YTHDF3: variants seen among roughly 807,000 people sequenced by gnomAD.
The protein encoded by YTHDF3 is YTH domain-containing family protein 3.
YTHDF3 carries 9 observed loss-of-function variants against 52.5 expected under a neutral mutation model. That is an observed-to-expected ratio of 0.17 (90% confidence interval 0.10 to 0.30). The LOEUF (loss-of-function observed/expected upper bound fraction) is 0.30, where lower values mean the gene tolerates loss of function less well. YTHDF3 is among the 10% of genes least tolerant of loss of function. The pLI, the probability that YTHDF3 is intolerant of heterozygous loss-of-function variation, is 1.00. For missense variants in YTHDF3, 534 were observed against 715.0 expected (o/e 0.75, Z 2.89); for synonymous variants, 274 against 243.3 (o/e 1.13, Z -1.18).
intron 4 of YTHDF3, among the ~76,000 whole-genome samples, chr8:63,195,633 T>G (rs1809181211): frequency 1.3e-5 from 2 of 151,854 alleles, no homozygotes; most frequent in African/African-American, 4.8e-5. Flanking sequence ...GAGGAATGAT[T>G]AACAAAAACA....
At chr8:63,202,465 T>C (rs1809701481) in intron 4 of YTHDF3, among the ~76,000 whole-genome samples, 1 of 148,292 alleles carries the variant, frequency 6.7e-6, no homozygotes. Context: ...TTCTACTCTT[T>C]TTTTTTTTTT....
At position 63,210,703 on chromosome 8, in the gene YTHDF3, T is replaced by C. The variant is rs1315305869; in HGVS notation, c.*997T>C. 6.6e-6 allele frequency: 1 copy of C among 152,624 alleles called. No individual in the cohort carries two copies. Among genetic ancestry groups the C allele is most frequent in the Non-Finnish European group, 1.5e-5 (1 of 68,004 alleles). The allele number at this position is 152,624 out of a possible 1,614,324, so 9.5% of individuals were successfully genotyped here. Reference sequence around the variant, plus strand: ...GTGTCCTGGCATCCTTAAAATACTTTGAAAATATGGCCTTGATCCATGGAT... The same window carrying C: ...GTGTCCTGGCATCCTTAAAATACTTCGAAAATATGGCCTTGATCCATGGAT... On this transcript the variant is annotated 3_prime_UTR_variant, in exon 5 of 5. Coordinates refer to ENST00000539294, the MANE Select transcript of YTHDF3 (RefSeq NM_152758.6).
chr8:63,190,053 T>C (rs2150378782), intron 4 of YTHDF3, among the ~76,000 whole-genome samples: 1 of 152,252 alleles, frequency 6.6e-6, no homozygotes, highest in South Asian at 2.1e-4. Flanking sequence ...ATTTGAGGTA[T>C]GAAAGGTGGG....
intron 4 of YTHDF3, among the ~76,000 whole-genome samples, chr8:63,203,151 G>A (rs1218341962): frequency 1.3e-5 from 2 of 151,582 alleles, no homozygotes; most frequent in East Asian, 3.9e-4. Context: ...CTTGAGGCAC[G>A]AGAATCGCTT....
intron 4 of YTHDF3, among the ~76,000 whole-genome samples, chr8:63,190,359 G>A (rs1410339394): frequency 1.3e-5 from 2 of 151,154 alleles, no homozygotes; most frequent in Non-Finnish European, 1.5e-5. Context: ...TAATGTATTT[G>A]GTATGTTAAT....
chr8:63,203,565 A>G (rs1319046930), intron 4 of YTHDF3, among the ~76,000 whole-genome samples: 1 of 152,218 alleles, frequency 6.6e-6, no homozygotes, highest in East Asian at 1.9e-4. Context: ...TAATATTAAC[A>G]CATAATCATA....
At chr8:63,193,348 C>A (rs893344134) in intron 4 of YTHDF3, among the ~76,000 whole-genome samples, 7 of 144,900 alleles carry the variant, frequency 4.8e-5, no homozygotes, top group Non-Finnish European at 7.5e-5. Context: ...TCCACTCCAG[C>A]CTGGGTGACA....
At chr8:63,187,937 C>T (rs529341166) in intron 4 of YTHDF3, among the ~76,000 whole-genome samples, 192 bp downstream of exon 4, 3 of 152,280 alleles carry the variant, frequency 2.0e-5, no homozygotes, top group South Asian at 2.1e-4. Flanking sequence ...GGGTAACTCA[C>T]GCTGAGTTAG....
At chr8:63,173,848 A>G (rs1453655372) in intron 2 of YTHDF3, among the ~76,000 whole-genome samples, 2 of 152,182 alleles carry the variant, frequency 1.3e-5, no homozygotes, top group Non-Finnish European at 2.9e-5. Flanking sequence ...TATCAGACAT[A>G]GTTAAATTAT....
chr8:63,195,692 G>C (rs78448707), intron 4 of YTHDF3, among the ~76,000 whole-genome samples: 5,038 of 151,916 alleles, frequency 0.033, 285 homozygotes, highest in African/African-American at 0.12. Flanking sequence ...CCCAGGAGTT[G>C]AAGACTACCC....
rs1810420085 is a variant in YTHDF3, at chr8:63,212,549, CTT to C, written c.*2846_*2847del. 6.6e-6 allele frequency: 1 copy of C among 152,482 alleles called. No individual in the cohort carries two copies. 9.4% of individuals were successfully genotyped at this position (152,482 alleles called of 1,614,324 possible). ...TGTGTTTTCATTAAGTTTTGCATAT[CTT>C]TTGTTATGCCATGTAAATTCCCTTT... On this transcript the variant is annotated 3_prime_UTR_variant, in exon 5 of 5. Coordinates refer to ENST00000539294, the MANE Select transcript of YTHDF3 (RefSeq NM_152758.6).
chr8:63,206,032 TTTATTTAGTTG>T (rs1460471495), intron 4 of YTHDF3, among the ~76,000 whole-genome samples: 6 of 152,188 alleles, frequency 3.9e-5, no homozygotes, highest in Non-Finnish European at 8.8e-5. Context: ...ATTTGACATC[TTTATTTAGTTG>T]TCTCATAAGC....
At chr8:63,195,362 G>T (rs1809166928) in intron 4 of YTHDF3, among the ~76,000 whole-genome samples, 1 of 152,204 alleles carries the variant, frequency 6.6e-6, no homozygotes, top group Non-Finnish European at 1.5e-5. Flanking sequence ...AAGGATTCCT[G>T]TGTAAAAAGA....
chr8:63,200,676 T>C (rs1809568318), intron 4 of YTHDF3, among the ~76,000 whole-genome samples: 1 of 152,180 alleles, frequency 6.6e-6, no homozygotes, highest in South Asian at 2.1e-4. Context: ...TCTGGCAGTG[T>C]TTGTTATGAT....
chr8:63,180,426 A>C (rs1383666210), intron 3 of YTHDF3, among the ~76,000 whole-genome samples: 20 of 139,100 alleles, frequency 1.4e-4, no homozygotes, highest in Admixed American at 5.7e-4. Flanking sequence ...GGCGGCCGGG[A>C]AGAGGCGCTC....
chr8:63,208,955 C>T (rs533037780), intron 4 of YTHDF3, among the ~76,000 whole-genome samples: 69 of 152,284 alleles, frequency 4.5e-4, no homozygotes, highest in African/African-American at 1.4e-3. Flanking sequence ...GCAACCTCCA[C>T]CTCCTGGGTT....
chr8:63,182,676 G>A (rs112489875), intron 3 of YTHDF3, among the ~76,000 whole-genome samples: 3 of 152,070 alleles, frequency 2.0e-5, no homozygotes, highest in African/African-American at 7.2e-5. Context: ...AAAGACTACT[G>A]AATCTGGATT....
At chr8:63,170,363 G>A (rs1807242321) in intron 2 of YTHDF3, among the ~76,000 whole-genome samples, 1 of 152,068 alleles carries the variant, frequency 6.6e-6, no homozygotes, top group Admixed American at 6.5e-5. Context: ...ATTTGCTATT[G>A]CAAATTTGGT....
chr8:63,194,692 T>C, intron 4 of YTHDF3, among the ~76,000 whole-genome samples: 1 of 152,178 alleles, frequency 6.6e-6, no homozygotes, highest in East Asian at 1.9e-4. Flanking sequence ...TTATCTTGCA[T>C]AACCACAATA....
Sources: gnomAD v4.1 joint callset for allele counts (sites outside exome capture counted in the v4.1 genomes callset) on GRCh38, gnomAD v4.1.1 for gene constraint, MANE v1.5 for transcripts, NCBI Gene and HGNC (gene_info 2026-07-23, HGNC 2026-07-21) for gene names.